The following BANP variants were observed in gnomAD, a reference collection of about 807,000 sequenced individuals.
BANP encodes the protein protein BANP.
In BANP, 11 loss-of-function variants were observed where a neutral mutation model predicts 68.1. The ratio of observed to expected loss-of-function variants is 0.16; its 90% CI spans 0.10 to 0.27. The LOEUF (loss-of-function observed/expected upper bound fraction) is 0.27, where lower values mean the gene tolerates loss of function less well. BANP is among the 10% of genes least tolerant of loss of function. The probability of loss-of-function intolerance (pLI) is 1.00; values close to 1 mark genes in which losing one functional copy is unlikely to be tolerated. For synonymous variants in BANP, 329 were observed against 303.2 expected (o/e 1.09, Z -0.88); for missense variants, 504 against 722.7 (o/e 0.70, Z 3.47).
intron 12 of BANP, among the ~76,000 whole-genome samples, chr16:88,069,505 G>T (rs2089741943): frequency 6.6e-6 from 1 of 152,182 alleles, no homozygotes; most frequent in Non-Finnish European, 1.5e-5. Flanking sequence ...GGAGCCGGAG[G>T]GTAATCGTGC....
At chr16:88,063,968 A>G (rs1364518200) in intron 11 of BANP, among the ~76,000 whole-genome samples, 23 of 152,226 alleles carry the variant, frequency 1.5e-4, no homozygotes, top group Non-Finnish European at 1.5e-5. Flanking sequence ...TTTTGTTTTG[A>G]TAAGTTTTTT....
At chr16:87,950,557 C>G (rs2056712142), upstream of BANP, 1 of 152,124 alleles carries the variant, frequency 6.6e-6, no homozygotes, top group Non-Finnish European at 1.5e-5. Context: ...GCCTCAGCCT[C>G]CCGAGTAGTT....
chr16:88,047,249 G>A (rs1416588819), intron 11 of BANP, among the ~76,000 whole-genome samples: 2 of 152,140 alleles, frequency 1.3e-5, no homozygotes, highest in East Asian at 3.9e-4. Context: ...ACACCAGGGT[G>A]GGGAAGGGCC....
At chr16:87,992,039 T>C (rs2152499514) in intron 4 of BANP, among the ~76,000 whole-genome samples, 1 of 152,378 alleles carries the variant, frequency 6.6e-6, no homozygotes, top group Admixed American at 6.5e-5. Flanking sequence ...TTCCTTCTAT[T>C]CTTTGTTTCA....
At chr16:88,058,597 A>G (rs1348588526) in intron 11 of BANP, among the ~76,000 whole-genome samples, 1 of 152,190 alleles carries the variant, frequency 6.6e-6, no homozygotes. Context: ...AAGGTTTAAT[A>G]AAACCCACCA....
At chr16:88,053,609 C>T (rs1408852539) in intron 11 of BANP, among the ~76,000 whole-genome samples, 12 of 148,596 alleles carry the variant, frequency 8.1e-5, no homozygotes, top group East Asian at 5.9e-4. Flanking sequence ...ACCACCCTAA[C>T]GACTACCACC....
At chr16:88,040,274 A>T (rs7192354) in intron 11 of BANP, among the ~76,000 whole-genome samples, 24 of 148,200 alleles carry the variant, frequency 1.6e-4, no homozygotes, top group Non-Finnish European at 1.2e-4. Flanking sequence ...TTTTTTTTCC[A>T]TCATTTGGCC....
intron 2 of BANP, among the ~76,000 whole-genome samples, chr16:87,977,276 G>A (rs1483466059): frequency 1.3e-5 from 2 of 152,144 alleles, no homozygotes; most frequent in African/African-American, 4.8e-5. Context: ...AAAATTAGCC[G>A]GGCGTGGTGG....
chr16:88,041,613 CTCTG>C (rs917236956), intron 11 of BANP, among the ~76,000 whole-genome samples: 2 of 152,170 alleles, frequency 1.3e-5, no homozygotes, highest in Non-Finnish European at 2.9e-5. Flanking sequence ...GCCATTACGT[CTCTG>C]TCTGCTCTGA....
chr16:87,981,135 T>G lies in BANP; in HGVS notation c.162+8T>G. On this transcript the variant is annotated splice_region_variant and intron_variant, in intron 3 of 13. Coordinates refer to ENST00000682872, the MANE Select transcript of BANP (RefSeq NM_001386991.1). ...CAGGATCCATCTATAAAGGTAAAAA[T>G]CTGACTCTGTTCTGTGGTGTGTAGT... is the stretch of plus-strand genomic sequence containing the variant. 6.2e-7 allele frequency: 1 copy of G among 1,607,828 alleles called. No homozygotes were observed. Among genetic ancestry groups the G allele is most frequent in the Non-Finnish European group, 8.5e-7 (1 of 1,174,428 alleles).
intron 1 of BANP, among the ~76,000 whole-genome samples, chr16:87,954,336 G>A (rs923146703): frequency 2.0e-5 from 3 of 152,134 alleles, no homozygotes; most frequent in Non-Finnish European, 2.9e-5. Context: ...AAACTAATAA[G>A]GATTCTTCCC....
chr16:88,008,185 G>A (rs1171592075), intron 6 of BANP, among the ~76,000 whole-genome samples: 4 of 152,132 alleles, frequency 2.6e-5, no homozygotes, highest in East Asian at 1.9e-4. Context: ...GTGATGTGCC[G>A]AGGTATGGAT....
Position 88,036,522 on chromosome 16 carries a change from G to T in BANP, c.1272+1128G>T, listed in dbSNP as rs946269579. On this transcript the variant is annotated intron_variant, in intron 10 of 13. Transcript: ENST00000682872. This position sits in a 1 kb window ranked among gnomAD's most constrained non-coding sequence, Gnocchi z 4.2. ...ACGCCGTGGCACGTGGAGCACCAGGGACTCGGGCGTGTCTGCTGGCAGTGG... is the reference window on the plus strand; with the variant it reads ...ACGCCGTGGCACGTGGAGCACCAGGTACTCGGGCGTGTCTGCTGGCAGTGG... 6.6e-6 allele frequency among the ~76,000 whole-genome samples: 1 copy of T among 152,142 alleles called. No homozygotes were observed. Among genetic ancestry groups the T allele is most frequent in the African/African-American group, 2.4e-5 (1 of 41,414 alleles).
At position 88,073,196 on chromosome 16, in the gene BANP, G is replaced by A. The variant is rs537646413; in HGVS notation, c.1521+984G>A. The stretch of plus-strand genomic sequence containing the variant: ...GTAGAGCTCACGCTCACCAGGGTGC[G>A]CAGGTCGCCAGGCTGGGCGGTTCTG... On this transcript the variant is annotated intron_variant, in intron 13 of 13. Transcript: ENST00000682872. 9.8e-5 allele frequency among the ~76,000 whole-genome samples: 15 copies of A among 152,364 alleles called. No homozygotes were observed. In the South Asian group the frequency reaches 2.3e-3, roughly 23 times the overall value.
At chr16:88,007,898 T>G (rs899790966) in intron 6 of BANP, among the ~76,000 whole-genome samples, 1 of 152,134 alleles carries the variant, frequency 6.6e-6, no homozygotes, top group Non-Finnish European at 1.5e-5. Context: ...ACCATAAAAT[T>G]GACTGTTTTA....
chr16:87,956,793 C>G (rs1048625510), intron 1 of BANP: 2 of 152,174 alleles, frequency 1.3e-5, no homozygotes, highest in African/African-American at 4.8e-5. Context: ...CTCTGGCCCC[C>G]CCTTTGGAAG....
At chr16:88,073,319 C>T (rs965782781) in intron 13 of BANP, among the ~76,000 whole-genome samples, 6 of 152,336 alleles carry the variant, frequency 3.9e-5, no homozygotes, top group African/African-American at 1.2e-4. Context: ...TTTAAGGACC[C>T]GTGTCCTGTA....
Position 88,066,541 on chromosome 16 carries a change from G to T in BANP, c.1377+1209G>T, listed in dbSNP as rs551060458. On this transcript the variant is annotated intron_variant, in intron 12 of 13. Transcript: ENST00000682872. ...CTGTTCCCAAAAACAAGTGCCTCCT[G>T]CTCCTTTTGCCTAAAATTCTGTTTA... Among the ~76,000 whole-genome samples, 5 of 152,332 alleles carry T rather than the reference G, an allele frequency of 3.3e-5. No individual in the cohort carries two copies. In the East Asian group the frequency reaches 7.7e-4, roughly 24 times the overall value.
chr16:87,988,252 G>C (rs112284146), intron 4 of BANP, among the ~76,000 whole-genome samples: 4 of 152,190 alleles, frequency 2.6e-5, no homozygotes, highest in Middle Eastern at 3.4e-3. Context: ...GTGCTTCTAT[G>C]GATTATTTAT....
Sources: gnomAD v4.1 joint callset for allele counts (sites outside exome capture counted in the v4.1 genomes callset) on GRCh38, gnomAD v4.1.1 for gene constraint, Gnocchi (gnomAD v3.1) non-coding constraint, MANE v1.5 for transcripts, NCBI Gene and HGNC (gene_info 2026-07-23, HGNC 2026-07-21) for gene names.